Variants in WBP1L observed in about 807,000 individuals in gnomAD.
The protein encoded by WBP1L is WW domain binding protein 1 like.
WBP1L carries 17 observed loss-of-function variants against 33.7 expected under a neutral mutation model. That is an observed-to-expected ratio of 0.50 (90% CI 0.34 to 0.76). The LOEUF is 0.76. Ranked by LOEUF, WBP1L falls within the 30% of genes least tolerant of loss-of-function variation. The pLI, the probability that WBP1L is intolerant of heterozygous loss-of-function variation, is 0.01. For missense variants in WBP1L, 389 were observed against 469.4 expected (o/e 0.83, Z 1.58); for synonymous variants, 173 against 190.8 (o/e 0.91, Z 0.77).
intron 1 of WBP1L, among the ~76,000 whole-genome samples, chr10:102,777,869 A>G (rs189948599): frequency 6.6e-6 from 1 of 152,242 alleles, no homozygotes; most frequent in East Asian, 1.9e-4. Flanking sequence ...CTGGCCAGAA[A>G]GGCTGTCCTT....
At chr10:102,769,134 C>G (rs1296212377) in intron 1 of WBP1L, among the ~76,000 whole-genome samples, 2 of 152,160 alleles carry the variant, frequency 1.3e-5, no homozygotes, top group African/African-American at 4.8e-5. Context: ...ACAAGGTGTA[C>G]GCCGCCATGC....
At chr10:102,766,128 T>C (rs1843104775) in intron 1 of WBP1L, among the ~76,000 whole-genome samples, 1 of 151,830 alleles carries the variant, frequency 6.6e-6, no homozygotes, top group Non-Finnish European at 1.5e-5. Flanking sequence ...AGGAAGACCC[T>C]GCCTCTATAA....
In WBP1L at chr10:102,816,221, C is replaced by T. The variant is rs1168392485; in HGVS notation, c.*2890C>T. ...TGATTGTTCTGAAGACAGAGTGGCT[C>T]TAACCACTGTGAGAAGCCCAAATAA... On this transcript the variant is annotated 3_prime_UTR_variant, in exon 4 of 4. Transcript: ENST00000448841. The T allele has an allele frequency of 1.3e-5, 2 of 152,654 alleles. No homozygotes were observed. The highest frequency in any genetic ancestry group is 1.5e-5 in the Non-Finnish European group (1 of 68,050). The allele number at this position is 152,654 out of a possible 1,614,324, so 9.5% of individuals were successfully genotyped here. A position where few individuals can be genotyped will look rare whatever the true frequency, so the allele number is the denominator to read the frequency against.
intron 1 of WBP1L, chr10:102,775,989 C>A: frequency 1.7e-6 from 1 of 592,364 alleles, no homozygotes; most frequent in Non-Finnish European, 2.1e-6. Flanking sequence ...CCCCCACCAT[C>A]CTCCCACAGT....
intron 1 of WBP1L, among the ~76,000 whole-genome samples, chr10:102,750,920 G>A (rs189447347): frequency 7.0e-4 from 106 of 152,202 alleles, no homozygotes; most frequent in African/African-American, 2.4e-3. Flanking sequence ...CCATTCCTAT[G>A]GATTTGCCTG....
At chr10:102,776,422 T>A in intron 1 of WBP1L, 1 of 1,614,162 alleles carries the variant, frequency 6.2e-7, no homozygotes, top group Non-Finnish European at 8.5e-7. Context: ...AGACAGGTAA[T>A]TGTTTCTGCA....
At chr10:102,788,996 G>T (rs1344765776) in intron 1 of WBP1L, among the ~76,000 whole-genome samples, 1 of 152,130 alleles carries the variant, frequency 6.6e-6, no homozygotes, top group East Asian at 1.9e-4. Context: ...GTCTTGCTCT[G>T]TTGCTCAGGC....
intron 1 of WBP1L, among the ~76,000 whole-genome samples, chr10:102,753,796 C>T (rs1339714452): frequency 1.3e-5 from 2 of 152,102 alleles, no homozygotes; most frequent in Non-Finnish European, 2.9e-5. Context: ...TAAGATGTTA[C>T]AAGAATATCT....
chr10:102,790,743 C>T (rs1018142411), intron 1 of WBP1L, among the ~76,000 whole-genome samples: 6 of 152,022 alleles, frequency 3.9e-5, no homozygotes, highest in African/African-American at 1.5e-4. Context: ...GAATTCCTGA[C>T]CTCGTCATCC....
Position 102,812,666 on chromosome 10 carries a change from T to C in WBP1L, c.427T>C (p.Tyr143His). 3 of 1,613,096 alleles carry C rather than the reference T, an allele frequency of 1.9e-6. No individual in the cohort carries two copies. Among genetic ancestry groups the C allele is most frequent in the Non-Finnish European group, 2.5e-6 (3 of 1,179,558 alleles). The change falls in exon 4 of 4, where the codon TAC becomes CAC. Residue 143 changes from tyrosine to histidine, a missense_variant. Transcript: ENST00000448841. ...CCGACCTCCAACTCCTCCCCCACCA[T>C]ACAGTGCCTTCCAGCTACAGCAGCA... ...VNRPPTPPPP[Y>H]SAFQLQQQQL...
intron 1 of WBP1L, chr10:102,776,189 A>C: frequency 6.9e-7 from 1 of 1,456,632 alleles, no homozygotes; most frequent in Non-Finnish European, 9.1e-7. Context: ...GGCCAGAGCC[A>C]GGCAGGGGGA....
At chr10:102,745,159 C>T (rs1247076864) in intron 1 of WBP1L, among the ~76,000 whole-genome samples, 2 of 152,208 alleles carry the variant, frequency 1.3e-5, no homozygotes, top group Non-Finnish European at 2.9e-5. Context: ...TACAACTTAG[C>T]GCTTGAACTT....
At chr10:102,806,459 T>C (rs1378430255) in intron 2 of WBP1L, among the ~76,000 whole-genome samples, 3 of 152,096 alleles carry the variant, frequency 2.0e-5, no homozygotes, top group Admixed American at 2.0e-4. Flanking sequence ...CCTCCATAAC[T>C]CCTTTCCAGC....
chr10:102,781,571 C>T (rs928071986), intron 1 of WBP1L, among the ~76,000 whole-genome samples: 1 of 152,132 alleles, frequency 6.6e-6, no homozygotes, highest in Admixed American at 6.5e-5. Flanking sequence ...TCCCTGCCTG[C>T]TCTGTGCACA....
intron 2 of WBP1L, among the ~76,000 whole-genome samples, chr10:102,809,559 A>G (rs1441200381): frequency 1.4e-5 from 2 of 144,302 alleles, no homozygotes; most frequent in South Asian, 2.3e-4. Flanking sequence ...TTTAGTAGAG[A>G]TGGGGGTTTC....
chr10:102,800,590 C>A (rs1024270549), intron 2 of WBP1L, among the ~76,000 whole-genome samples: 1 of 152,162 alleles, frequency 6.6e-6, no homozygotes, highest in African/African-American at 2.4e-5. Context: ...AGAAAAGGTG[C>A]CCCGTTAAAT....
intron 1 of WBP1L, among the ~76,000 whole-genome samples, chr10:102,790,338 T>G (rs1843478080): frequency 6.6e-6 from 1 of 152,160 alleles, no homozygotes; most frequent in Non-Finnish European, 1.5e-5. Context: ...TTTTCTTGTG[T>G]TTTTAATTCT....
intron 2 of WBP1L, among the ~76,000 whole-genome samples, chr10:102,799,365 GTCT>G (rs1378650426): frequency 6.6e-6 from 1 of 151,922 alleles, no homozygotes; most frequent in Non-Finnish European, 1.5e-5. Flanking sequence ...AACCATCTTT[GTCT>G]TGCCACTGGT....
chr10:102,773,247 T>C (rs942790903), intron 1 of WBP1L, among the ~76,000 whole-genome samples: 4 of 152,168 alleles, frequency 2.6e-5, no homozygotes, highest in African/African-American at 9.6e-5. Context: ...CCCTCAGATA[T>C]CAGCGCTTAG....
Sources: gnomAD v4.1 joint callset for allele counts (sites outside exome capture counted in the v4.1 genomes callset) on GRCh38, gnomAD v4.1.1 for gene constraint, MANE v1.5 for transcripts, NCBI Gene and HGNC (gene_info 2026-07-23, HGNC 2026-07-21) for gene names.